The following GRIK3 variants were observed in gnomAD, a reference collection of about 807,000 sequenced individuals.
GRIK3 encodes glutamate receptor ionotropic, kainate 3.
A neutral mutation model predicts 102.5 loss-of-function variants in GRIK3; 29 were observed. The ratio of observed to expected loss-of-function variants is 0.28; its 90% CI spans 0.21 to 0.39. The LOEUF (loss-of-function observed/expected upper bound fraction) is 0.39, where lower values mean the gene tolerates loss of function less well. Among genes scored for constraint, GRIK3 ranks in the 10% least tolerant of loss-of-function variants. The pLI is 1.00. For synonymous variants in GRIK3, 511 were observed against 504.9 expected (o/e 1.01, Z -0.16); for missense variants, 908 against 1,252.4 (o/e 0.73, Z 4.15).
At chr1:36,857,904 G>A (rs1488906104) in intron 7 of GRIK3, among the ~76,000 whole-genome samples, 3 of 152,198 alleles carry the variant, frequency 2.0e-5, no homozygotes, top group South Asian at 4.1e-4. Context: ...GTGCACAGGC[G>A]AGTCTGTTTT....
intron 10 of GRIK3, among the ~76,000 whole-genome samples, chr1:36,830,365 C>T (rs1370679024): frequency 6.7e-6 from 1 of 148,320 alleles, no homozygotes; most frequent in Non-Finnish European, 1.5e-5. Flanking sequence ...TATGCCCCCC[C>T]ACCCCCAATT....
chr1:36,807,410 C>T (rs1410586031), intron 13 of GRIK3, among the ~76,000 whole-genome samples: 1 of 152,182 alleles, frequency 6.6e-6, no homozygotes, highest in African/African-American at 2.4e-5. Flanking sequence ...ACAGGTGGTT[C>T]TGCAGGCCCC....
At chr1:36,984,186 A>C (rs1472587522) in intron 1 of GRIK3, among the ~76,000 whole-genome samples, 1 of 151,896 alleles carries the variant, frequency 6.6e-6, no homozygotes, top group Non-Finnish European at 1.5e-5. Flanking sequence ...ATGCTCTAAC[A>C]CACTCACACG....
At chr1:36,962,801 T>C (rs1642028643) in intron 1 of GRIK3, among the ~76,000 whole-genome samples, 1 of 149,256 alleles carries the variant, frequency 6.7e-6, no homozygotes, top group South Asian at 2.1e-4. Context: ...GGAGGATAGC[T>C]TGAACCCGGG....
At chr1:36,934,355 C>A (rs946526621) in intron 1 of GRIK3, among the ~76,000 whole-genome samples, 6 of 152,204 alleles carry the variant, frequency 3.9e-5, no homozygotes, top group African/African-American at 1.4e-4. Flanking sequence ...GGTCACCAAG[C>A]ACTTTTCTGA....
At chr1:36,980,250 A>T (rs2124365750) in intron 1 of GRIK3, among the ~76,000 whole-genome samples, 1 of 152,218 alleles carries the variant, frequency 6.6e-6, no homozygotes, top group East Asian at 1.9e-4. Context: ...TTAAGATCAA[A>T]CCTAAATCCT....
chr1:36,984,090 C>T (rs963136409), intron 1 of GRIK3, among the ~76,000 whole-genome samples: 1 of 152,252 alleles, frequency 6.6e-6, no homozygotes, highest in Admixed American at 6.5e-5. Context: ...AGGCGAAGAG[C>T]CTTGGGATCC....
In GRIK3 at chr1:36,798,464, C is replaced by T. The variant is rs1055651930; in HGVS notation, c.*3387G>A. On this transcript the variant is annotated 3_prime_UTR_variant, in exon 16 of 16. Transcript: ENST00000373091. ...TGCCTGCGTGTGTGCACACACACTA[C>T]ACATGCATACACACACATACACACA... 9.8e-5 allele frequency: 15 copies of T among 152,388 alleles called. No homozygotes were observed. The highest frequency in any genetic ancestry group is 3.6e-4 in the African/African-American group (15 of 41,474). 9.4% of individuals were successfully genotyped at this position (152,388 alleles called of 1,614,324 possible).
chr1:37,026,903 G>GA (rs913427621), intron 1 of GRIK3, among the ~76,000 whole-genome samples: 35 of 149,910 alleles, frequency 2.3e-4, no homozygotes, highest in East Asian at 2.0e-3. Flanking sequence ...ATGAAAATGT[G>GA]AAAAAAAAAT....
chr1:36,885,692 C>T (rs1416497979), intron 2 of GRIK3, among the ~76,000 whole-genome samples: 1 of 152,210 alleles, frequency 6.6e-6, no homozygotes, highest in Non-Finnish European at 1.5e-5. Context: ...GGGAAGAACA[C>T]TGCTGCCCCC....
intron 1 of GRIK3, among the ~76,000 whole-genome samples, chr1:36,971,866 C>A (rs1182898849): frequency 6.6e-6 from 1 of 152,124 alleles, no homozygotes. Context: ...TATAAACGGG[C>A]CCACCAATAG....
intron 1 of GRIK3, among the ~76,000 whole-genome samples, chr1:37,027,347 T>C (rs1249646646): frequency 6.6e-6 from 1 of 152,080 alleles, no homozygotes; most frequent in African/African-American, 2.4e-5. Flanking sequence ...TTTGGTCTGA[T>C]CTCTCCAAAT....
chr1:36,818,729 T>A (rs1263142797), intron 12 of GRIK3, among the ~76,000 whole-genome samples: 1 of 152,242 alleles, frequency 6.6e-6, no homozygotes, highest in East Asian at 1.9e-4. Context: ...TCATTTGGTG[T>A]TTACTGATGG....
Position 36,850,464 on chromosome 1 carries a change from G to T in GRIK3, c.1213-40C>A. ...ACAGAAAACAGGGTGCCGAGTCCTT[G>T]GTCTACCCATCTTCCTCCATATCGA... On this transcript the variant is annotated intron_variant, in intron 8 of 15. Coordinates refer to ENST00000373091, the MANE Select transcript of GRIK3 (RefSeq NM_000831.4). The surrounding 1 kb of genome is among the most constrained non-coding windows in gnomAD (Gnocchi z 4.0). 1 of 1,201,722 alleles carries T rather than the reference G, an allele frequency of 8.3e-7. No individual in the cohort carries two copies. The highest frequency in any genetic ancestry group is 1.2e-6 in the Non-Finnish European group (1 of 803,880). 74.4% of individuals were successfully genotyped at this position (1,201,722 alleles called of 1,614,324 possible).
rs370896586 is a variant in GRIK3, at chr1:36,801,844, G to A, written c.*7C>T. The A allele has an allele frequency of 1.3e-6, 2 of 1,590,396 alleles. No homozygotes were observed. The highest frequency in any genetic ancestry group is 3.4e-5 in the Admixed American group (2 of 58,164). ...CCCCAGGCCTGAGGTCCCCACCCCA[G>A]CTGTGCCTAGGGGAACACAGGGGCT... On this transcript the variant is annotated 3_prime_UTR_variant, in exon 16 of 16. Transcript: ENST00000373091.
chr1:37,004,683 T>A (rs1642513131), intron 1 of GRIK3, among the ~76,000 whole-genome samples: 1 of 152,258 alleles, frequency 6.6e-6, no homozygotes, highest in African/African-American at 2.4e-5. Flanking sequence ...TGTTTGCGTA[T>A]GTGTGTCCTC....
intron 10 of GRIK3, among the ~76,000 whole-genome samples, chr1:36,837,399 G>A (rs560748646): frequency 1.3e-5 from 2 of 152,198 alleles, no homozygotes; most frequent in Admixed American, 6.5e-5. Flanking sequence ...TGCCCTGTCC[G>A]CAACTCCTCG....
intron 9 of GRIK3, among the ~76,000 whole-genome samples, chr1:36,847,488 T>C (rs1457284260): frequency 6.6e-6 from 1 of 152,212 alleles, no homozygotes; most frequent in African/African-American, 2.4e-5. Context: ...TTGGTGAAGT[T>C]CAGGGCTCTG....
At chr1:36,915,345 A>G (rs980275075) in intron 1 of GRIK3, among the ~76,000 whole-genome samples, 1 of 152,306 alleles carries the variant, frequency 6.6e-6, no homozygotes, top group South Asian at 2.1e-4. Context: ...CAGCTTGTTC[A>G]TCTCTTTCTC....
Sources: allele counts gnomAD v4.1 joint callset (sites outside exome capture counted in the v4.1 genomes callset), GRCh38; gene constraint gnomAD v4.1.1; non-coding constraint Gnocchi (gnomAD v3.1); transcripts MANE v1.5; gene names NCBI Gene and HGNC (gene_info 2026-07-23, HGNC 2026-07-21).